SLC4A7: variants seen among roughly 807,000 people sequenced by gnomAD.
SLC4A7 encodes the protein solute carrier family 4 member 7, also known as sodium bicarbonate cotransporter 3.
A neutral mutation model predicts 137.6 loss-of-function variants in SLC4A7; 51 were observed. The observed-to-expected ratio is 0.37, with a 90% CI of 0.30 to 0.47. The LOEUF (loss-of-function observed/expected upper bound fraction) is 0.47. Ranked by LOEUF, SLC4A7 falls within the 20% of genes least tolerant of loss-of-function variation. The pLI is 1.00. For missense variants in SLC4A7, 1,247 were observed against 1,525.4 expected, an observed-to-expected ratio of 0.82 and a Z score of 3.04; for synonymous variants, 542 against 518.6, an observed-to-expected ratio of 1.05 and a Z score of -0.61.
chr3:27,455,060 A>C (rs1280434574), intron 1 of SLC4A7, among the ~76,000 whole-genome samples: 1 of 151,596 alleles, frequency 6.6e-6, no homozygotes. Context: ...GGCTGCTCCC[A>C]CTATATACTG....
chr3:27,426,190 AAAAATC>A (rs1359103570), intron 7 of SLC4A7, among the ~76,000 whole-genome samples: 1 of 152,238 alleles, frequency 6.6e-6, no homozygotes, highest in East Asian at 1.9e-4. Flanking sequence ...TGATGTGACG[AAAAATC>A]TTAATTTGCA....
At chr3:27,383,096 C>T in intron 24 of SLC4A7, 57 bp downstream of exon 24, 2 of 967,410 alleles carry the variant, frequency 2.1e-6, no homozygotes, top group South Asian at 2.7e-5. Flanking sequence ...CATTATATGA[C>T]TTATTAATAC....
chr3:27,392,181 CA>C (rs1229633557), intron 20 of SLC4A7, among the ~76,000 whole-genome samples: 2 of 152,162 alleles, frequency 1.3e-5, no homozygotes, highest in Non-Finnish European at 2.9e-5. Flanking sequence ...CAAAAAGTGA[CA>C]ACCATTGTCA....
chr3:27,401,736 T>C (rs1006099460), intron 15 of SLC4A7, among the ~76,000 whole-genome samples: 6 of 152,218 alleles, frequency 3.9e-5, no homozygotes, highest in Non-Finnish European at 7.3e-5. Context: ...TCATAGAATG[T>C]TGGCCAAATA....
intron 11 of SLC4A7, among the ~76,000 whole-genome samples, chr3:27,415,663 T>G (rs1204995246): frequency 6.6e-6 from 1 of 152,234 alleles, no homozygotes; most frequent in Non-Finnish European, 1.5e-5. Flanking sequence ...TAAGCCAAAC[T>G]TCTTTCTAAA....
At chr3:27,476,781 C>A (rs2059477589) in intron 1 of SLC4A7, among the ~76,000 whole-genome samples, 1 of 152,192 alleles carries the variant, frequency 6.6e-6, no homozygotes, top group Admixed American at 6.6e-5. Flanking sequence ...GTACAGCCTG[C>A]AGAACTGTGA....
At chr3:27,456,906 T>C (rs2058445129) in intron 1 of SLC4A7, 1 of 984,736 alleles carries the variant, frequency 1.0e-6, no homozygotes. Flanking sequence ...ATTTGGAAAG[T>C]AATATACACA....
chr3:27,376,820 T>A lies in SLC4A7; in HGVS notation c.3724A>T (p.Ile1242Leu), dbSNP rs1344646085. The A allele has an allele frequency of 1.3e-6, 2 of 1,593,710 alleles. No individual in the cohort carries two copies. Among genetic ancestry groups the A allele is most frequent in the East Asian group, 4.5e-5 (2 of 44,082 alleles). ...MSPDKPVSVK[I>L]SFEDEPRKKY... The stretch of plus-strand genomic sequence containing the variant: ...TTTCTTGGTTCATCTTCAAAACTTA[T>A]TTTCACACTCACAGGTTTATCAGGA... The change falls in exon 26 of 26, where the codon ATA (isoleucine) becomes TTA (leucine). Residue 1242 changes from isoleucine (I) to leucine (L), a missense_variant. Ile to Leu is a conservative substitution (Grantham distance 5). This residue lies in a region of SLC4A7 where 290 missense variants were observed against 323.8 expected (regional missense o/e 0.90). Transcript: ENST00000454389.
intron 10 of SLC4A7, among the ~76,000 whole-genome samples, chr3:27,419,679 A>G: frequency 6.6e-6 from 1 of 151,856 alleles, no homozygotes; most frequent in East Asian, 2.0e-4. Context: ...GAAGTCATTA[A>G]TATCTTTGGA....
chr3:27,400,704 A>G (rs1298212636), intron 16 of SLC4A7, 60 bp downstream of exon 16: 11 of 962,148 alleles, frequency 1.1e-5, no homozygotes, highest in Non-Finnish European at 3.2e-6. Context: ...CTGATTAGAA[A>G]AAGCTAAAAG....
chr3:27,422,445 T>A (rs2055079496), intron 8 of SLC4A7, among the ~76,000 whole-genome samples: 1 of 152,096 alleles, frequency 6.6e-6, no homozygotes, highest in African/African-American at 2.4e-5. Flanking sequence ...TTTTTGTTGT[T>A]TTTTTGTAGA....
At chr3:27,430,809 G>A (rs373131094) in intron 7 of SLC4A7, among the ~76,000 whole-genome samples, 1 of 152,048 alleles carries the variant, frequency 6.6e-6, no homozygotes, top group East Asian at 1.9e-4. Flanking sequence ...TCCAGCCTGG[G>A]CAACAGAGTG....
chr3:27,398,507 A>T (rs547420215), intron 16 of SLC4A7, among the ~76,000 whole-genome samples, 154 bp from the exon 17 acceptor site: 11 of 152,364 alleles, frequency 7.2e-5, no homozygotes, highest in African/African-American at 2.6e-4. Context: ...AGCCAACTAT[A>T]ACACACTAAC....
Position 27,484,172 on chromosome 3 carries a change from C to G in SLC4A7, c.-46G>C. 1 of 1,256,566 alleles carries G rather than the reference C, an allele frequency of 8.0e-7. No homozygotes were observed. Among genetic ancestry groups the G allele is most frequent in the Non-Finnish European group, 1.0e-6 (1 of 998,496 alleles). The allele number at this position is 1,256,566 out of a possible 1,614,324, so 77.8% of individuals were successfully genotyped here. ...ACGGCCGCTACGGTACTGCCCCGCG[C>G]GGTCTGCCTGCTTCTGCCGCTGCCC... On this transcript the variant is annotated 5_prime_UTR_variant, in exon 1 of 26. Transcript: ENST00000454389.
intron 7 of SLC4A7, among the ~76,000 whole-genome samples, chr3:27,425,364 C>T (rs1262271160): frequency 1.1e-5 from 1 of 91,784 alleles, no homozygotes; most frequent in African/African-American, 4.9e-5. Context: ...GAGAGAAACT[C>T]CGTCCTAAAA....
At chr3:27,479,330 C>T (rs7616335) in intron 1 of SLC4A7, among the ~76,000 whole-genome samples, 1 of 151,934 alleles carries the variant, frequency 6.6e-6, no homozygotes, top group Non-Finnish European at 1.5e-5. Flanking sequence ...GGGAGGATCA[C>T]GTGAGCCCAG....
intron 12 of SLC4A7, among the ~76,000 whole-genome samples, chr3:27,410,721 T>C (rs1439048660): frequency 6.6e-6 from 1 of 152,192 alleles, no homozygotes; most frequent in African/African-American, 2.4e-5. Flanking sequence ...TATCCCAGTA[T>C]GAAGAAGCGA....
rs1231827257 is a variant in SLC4A7 at position 27,431,450 on chromosome 3, G to C, written c.998C>G (p.Ser333Cys). 1.4e-5 allele frequency: 23 copies of C among 1,614,004 alleles called. No individual in the cohort carries two copies. Among genetic ancestry groups the C allele is most frequent in the Non-Finnish European group, 1.9e-5 (23 of 1,179,990 alleles). The change falls in exon 7 of 26, where the codon TCC becomes TGC. Residue 333 changes from serine (S) to cysteine (C), a missense_variant. Transcript: ENST00000454389. ...PSISRLTSRSSQESQRQAPEL... is the reference protein window; with the variant it reads ...PSISRLTSRSCQESQRQAPEL... ...TGGGGCCTGACGCTGACTCTCTTGG[G>C]AACTTCTGGAGGTCAGGCGGCTGAT...
chr3:27,465,037 T>C (rs1021416665), intron 1 of SLC4A7, among the ~76,000 whole-genome samples: 3 of 151,870 alleles, frequency 2.0e-5, no homozygotes, highest in Non-Finnish European at 2.9e-5. Context: ...CCCGGTTTTT[T>C]CTACAACACC....
Sources: gnomAD v4.1 joint callset for allele counts (sites outside exome capture counted in the v4.1 genomes callset) on GRCh38, gnomAD v4.1.1 for gene constraint, gnomAD v4.1.1 regional missense constraint, MANE v1.5 for transcripts, NCBI Gene and HGNC (gene_info 2026-07-23, HGNC 2026-07-21) for gene names.